The following CNGB1 variants were observed in gnomAD, a reference collection of about 807,000 sequenced individuals.
CNGB1 encodes cyclic nucleotide-gated channel beta-1.
In CNGB1, 126 loss-of-function variants were observed where a neutral mutation model predicts 151.7. The ratio of observed to expected loss-of-function variants is 0.83; its 90% CI spans 0.72 to 0.96. CNGB1 has a LOEUF of 0.96. Among genes scored for constraint, CNGB1 ranks in the 40% least tolerant of loss-of-function variants. The pLI, the probability that CNGB1 is intolerant of heterozygous loss-of-function variation, is 0.00. For missense variants in CNGB1, 1,698 were observed against 1,627.0 expected, an observed-to-expected ratio of 1.04 and a Z score of -0.75; for synonymous variants, 623 against 635.1, an observed-to-expected ratio of 0.98 and a Z score of 0.29.
At chr16:57,927,878 A>G (rs937770763) in intron 17 of CNGB1, among the ~76,000 whole-genome samples, 7 of 152,234 alleles carry the variant, frequency 4.6e-5, no homozygotes, top group African/African-American at 1.7e-4. Context: ...TGAACTAAAC[A>G]TAAGAACTGA....
rs60969134 is a variant in CNGB1, at chr16:57,922,431, C to CTTT, written c.1643+839_1643+841dup. 4.0e-3 allele frequency among the ~76,000 whole-genome samples: 551 copies of CTTT among 136,520 alleles called. 7 individuals carry two copies. The highest frequency in any genetic ancestry group is 0.014 in the African/African-American group (482 of 33,532). 89.6% of individuals were successfully genotyped at this position (136,520 alleles called of 152,430 possible). A position where few individuals can be genotyped will look rare whatever the true frequency, so the allele number is the denominator to read the frequency against. ...TCTTTCTCTCTTTCTTTCTTTCTTT[C>CTTT]TTTTTTTTTTTTTTGAGATGAAGTA... is the stretch of plus-strand genomic sequence containing the variant. On this transcript the variant is annotated intron_variant, in intron 18 of 32. Coordinates refer to ENST00000251102, the MANE Select transcript of CNGB1 (RefSeq NM_001297.5).
intron 20 of CNGB1, among the ~76,000 whole-genome samples, chr16:57,917,777 C>T (rs1350697976): frequency 6.7e-6 from 1 of 149,570 alleles, no homozygotes; most frequent in Non-Finnish European, 1.5e-5. Context: ...GCCTGGACAA[C>T]ATAGCAAGAC....
In CNGB1 at chr16:57,919,084, T is replaced by G; in HGVS notation, c.1957+15A>C. Reference sequence around the variant, plus strand: ...TCATCTTACACAGTGGGAACACCCATTCCCCAGGACTCACTGGTCAGCGGG... The same window carrying G: ...TCATCTTACACAGTGGGAACACCCAGTCCCCAGGACTCACTGGTCAGCGGG... On this transcript the variant is annotated intron_variant, in intron 20 of 32. Transcript: ENST00000251102. The G allele has an allele frequency of 6.2e-7, 1 of 1,614,148 alleles. No individual in the cohort carries two copies. The highest frequency in any genetic ancestry group is 8.5e-7 in the Non-Finnish European group (1 of 1,180,004).
chr16:57,938,386 A>G (rs1167631449), intron 16 of CNGB1, among the ~76,000 whole-genome samples: 1 of 152,228 alleles, frequency 6.6e-6, no homozygotes, highest in African/African-American at 2.4e-5. Context: ...ACTTGGGTCC[A>G]GTCCCATTTC....
At chr16:57,930,805 C>T (rs948363528) in intron 17 of CNGB1, among the ~76,000 whole-genome samples, 1 of 151,976 alleles carries the variant, frequency 6.6e-6, no homozygotes. Flanking sequence ...AGTAGTCAAG[C>T]TCATAGAAAC....
intron 14 of CNGB1, among the ~76,000 whole-genome samples, chr16:57,944,975 A>T (rs569239029): frequency 6.8e-6 from 1 of 146,842 alleles, no homozygotes; most frequent in African/African-American, 2.5e-5. Flanking sequence ...AAAAAAAAAC[A>T]AGAAAAGAAA....
At chr16:57,921,217 C>CT (rs1185678390) in intron 18 of CNGB1, among the ~76,000 whole-genome samples, 5,112 of 90,170 alleles carry the variant, frequency 0.057, 591 homozygotes, top group African/African-American at 0.18. Context: ...AAATGAGGCT[C>CT]TTTTTTTTTT....
intron 14 of CNGB1, among the ~76,000 whole-genome samples, chr16:57,942,957 C>A (rs1961709922): frequency 6.6e-6 from 1 of 150,934 alleles, no homozygotes; most frequent in South Asian, 2.1e-4. Context: ...AGGGGAAAAA[C>A]CCTATGATAT....
intron 16 of CNGB1, among the ~76,000 whole-genome samples, chr16:57,937,510 G>A (rs1961545612): frequency 6.6e-6 from 1 of 152,178 alleles, no homozygotes; most frequent in African/African-American, 2.4e-5. Flanking sequence ...CGTCTAATGT[G>A]TCATCAGGTC....
chr16:57,901,051 G>A (rs1960368890), intron 29 of CNGB1, among the ~76,000 whole-genome samples: 1 of 42,086 alleles, frequency 2.4e-5, no homozygotes, highest in East Asian at 3.1e-3. Context: ...CTTTCTGTAA[G>A]GTGGAGTTGG....
At chr16:57,967,629 G>A (rs910887826) in intron 1 of CNGB1, among the ~76,000 whole-genome samples, 17 of 151,964 alleles carry the variant, frequency 1.1e-4, no homozygotes, top group Admixed American at 3.9e-4. Context: ...CTAGGAGGTC[G>A]AGGCAGCAGT....
At chr16:57,951,953 T>A (rs1457386087) in intron 12 of CNGB1, among the ~76,000 whole-genome samples, 1 of 152,202 alleles carries the variant, frequency 6.6e-6, no homozygotes, top group African/African-American at 2.4e-5. Flanking sequence ...TGCTCCCGGC[T>A]CCTCTGGCCC....
intron 12 of CNGB1, 31 bp from the exon 13 acceptor site, chr16:57,950,571 GGAT>G: frequency 6.2e-7 from 1 of 1,613,396 alleles, no homozygotes; most frequent in Non-Finnish European, 8.5e-7. Context: ...GCCATTTATG[GGAT>G]GTGCGGGAGA....
chr16:57,902,816 T>C (rs1960426741), intron 27 of CNGB1, among the ~76,000 whole-genome samples: 1 of 151,538 alleles, frequency 6.6e-6, no homozygotes, highest in South Asian at 2.1e-4. Context: ...TTTCACCATG[T>C]TGGCCAGGCT....
At chr16:57,936,271 T>C (rs191062194) in intron 16 of CNGB1, among the ~76,000 whole-genome samples, 171 of 152,280 alleles carry the variant, frequency 1.1e-3, no homozygotes, top group African/African-American at 4.0e-3. Context: ...TGGAATTTGC[T>C]GAGCAGCAAA....
chr16:57,894,365 C>T (rs907168634), intron 31 of CNGB1, among the ~76,000 whole-genome samples: 4 of 152,142 alleles, frequency 2.6e-5, no homozygotes, highest in Admixed American at 2.0e-4. Flanking sequence ...TTTTGGGAGG[C>T]AGAAGCGGGC....
In CNGB1 at chr16:57,916,139, C is replaced by T. The variant is rs75138491; in HGVS notation, c.2207G>A (p.Arg736His). ...ATGCCCGGCACACACCTTGAAGCGGCGAGACTTCAGGTAGTTATTTCGCAT... is the reference window on the plus strand; with the variant it reads ...ATGCCCGGCACACACCTTGAAGCGGTGAGACTTCAGGTAGTTATTTCGCAT... ...KDMRNNYLKS[R>H]RFKMDLLSLL... is the part of the protein sequence containing the mutation. The change falls in exon 22 of 33, where the codon CGC (arginine) becomes CAC (histidine). Residue 736 changes from arginine to histidine, a missense_variant. Physicochemically the swap from Arg to His is conservative, Grantham distance 29. Coordinates refer to ENST00000251102, the MANE Select transcript of CNGB1 (RefSeq NM_001297.5). 10 of 1,613,966 alleles carry T rather than the reference C, an allele frequency of 6.2e-6. No homozygotes were observed. Among genetic ancestry groups the T allele is most frequent in the African/African-American group, 2.7e-5 (2 of 74,996 alleles).
intron 10 of CNGB1, 128 bp from the exon 11 acceptor site, chr16:57,958,613 C>A (rs915494669): frequency 4.0e-6 from 3 of 755,354 alleles, no homozygotes; most frequent in Non-Finnish European, 6.8e-6. Flanking sequence ...GAGCCAGAGC[C>A]CAGGTCTCCA....
chr16:57,962,530 A>C (rs1394045757), intron 7 of CNGB1, 35 bp downstream of exon 7: 1 of 1,602,786 alleles, frequency 6.2e-7, no homozygotes, highest in Non-Finnish European at 8.5e-7. Context: ...ACCCACACAT[A>C]CAGACAACAG....
Sources: allele counts gnomAD v4.1 joint callset (sites outside exome capture counted in the v4.1 genomes callset), GRCh38; gene constraint gnomAD v4.1.1; transcripts MANE v1.5; gene names NCBI Gene and HGNC (gene_info 2026-07-23, HGNC 2026-07-21).